Variants in NOS1AP observed in about 807,000 individuals in gnomAD.
The protein encoded by NOS1AP is nitric oxide synthase 1 adaptor protein, also known as carboxyl-terminal PDZ ligand of neuronal nitric oxide synthase protein.
NOS1AP carries 21 observed loss-of-function variants against 56.2 expected under a neutral mutation model. The ratio of observed to expected loss-of-function variants is 0.37; its 90% confidence interval spans 0.26 to 0.54. NOS1AP has a LOEUF of 0.54. Ranked by LOEUF, NOS1AP falls within the 20% of genes least tolerant of loss-of-function variation. The pLI, the probability that NOS1AP is intolerant of heterozygous loss-of-function variation, is 0.84. For synonymous variants in NOS1AP, 270 were observed against 274.6 expected, an observed-to-expected ratio of 0.98 and a Z score of 0.17; for missense variants, 522 against 657.8, an observed-to-expected ratio of 0.79 and a Z score of 2.26.
intron 2 of NOS1AP, among the ~76,000 whole-genome samples, chr1:162,270,298 C>G (rs1445607328): frequency 6.6e-6 from 1 of 152,054 alleles, no homozygotes; most frequent in Admixed American, 6.6e-5. Context: ...CAGATCAAGT[C>G]CTTAAAATTG....
Position 162,367,236 on chromosome 1 carries a change from C to T in NOS1AP, c.1290C>T (p.Cys430=), listed in dbSNP as rs1464543571. 1 of 1,613,928 alleles carries T rather than the reference C, an allele frequency of 6.2e-7. No individual in the cohort carries two copies. The highest frequency in any genetic ancestry group is 8.5e-7 in the Non-Finnish European group (1 of 1,179,982). Residue 430 remains cysteine (C), a synonymous_variant, in exon 10 of 10, where the codon TGC becomes TGT. Coordinates refer to ENST00000361897, the MANE Select transcript of NOS1AP (RefSeq NM_014697.3). The surrounding 1 kb of genome is among the most constrained non-coding windows in gnomAD (Gnocchi z 6.5). ...GRRDCLVKLE[C]FRFLPPEDTP... ...GCGACTGCTTGGTGAAGCTGGAGTG[C>T]TTTCGCTTTCTTCCGCCCGAGGACA...
intron 2 of NOS1AP, among the ~76,000 whole-genome samples, chr1:162,255,913 G>C (rs184266099): frequency 4.7e-4 from 71 of 152,332 alleles, no homozygotes; most frequent in African/African-American, 1.7e-3. Flanking sequence ...GGGAGGCTGA[G>C]GCAGCAGATC....
At chr1:162,311,317 A>G (rs1401852962) in intron 4 of NOS1AP, among the ~76,000 whole-genome samples, 3 of 152,018 alleles carry the variant, frequency 2.0e-5, no homozygotes, top group Admixed American at 6.6e-5. Context: ...TTTGCTTTCA[A>G]CCCTACATAG....
At chr1:162,290,158 C>G (rs941587637) in intron 3 of NOS1AP, among the ~76,000 whole-genome samples, 2 of 152,142 alleles carry the variant, frequency 1.3e-5, no homozygotes, top group African/African-American at 4.8e-5. Flanking sequence ...GTGGCTTCAT[C>G]GTCCTGCTGG....
At chr1:162,191,592 CAGA>C (rs961720417) in intron 2 of NOS1AP, among the ~76,000 whole-genome samples, 1 of 152,102 alleles carries the variant, frequency 6.6e-6, no homozygotes, top group Non-Finnish European at 1.5e-5. Flanking sequence ...TTTGGGCTGG[CAGA>C]AGAAGATAAG....
Position 162,204,154 on chromosome 1 carries a change from A to G in NOS1AP, c.177+49678A>G, listed in dbSNP as rs757049591. Among the ~76,000 whole-genome samples the G allele has an allele frequency of 1.6e-4, 25 of 152,358 alleles. 1 individual carries two copies. The highest frequency in any genetic ancestry group is 1.0e-3 in the South Asian group (5 of 4,834). On this transcript the variant is annotated intron_variant, in intron 2 of 9. Transcript: ENST00000361897. ...CTGGGGACAATACAAACTCCTTTAC[A>G]TAGCCCAAAAGGGCACAAGCAAATG... is the stretch of plus-strand genomic sequence containing the variant.
At chr1:162,170,546 A>C (rs11805598) in intron 2 of NOS1AP, among the ~76,000 whole-genome samples, 2 of 152,044 alleles carry the variant, frequency 1.3e-5, no homozygotes, top group Admixed American at 6.5e-5. Flanking sequence ...GAGCAGGAAT[A>C]GGTTAGTTTA....
At chr1:162,170,017 C>G (rs148098917) in intron 2 of NOS1AP, among the ~76,000 whole-genome samples, 1 of 152,192 alleles carries the variant, frequency 6.6e-6, no homozygotes, top group Admixed American at 6.5e-5. Flanking sequence ...GAAATCTTCC[C>G]TGATTCCTCT....
intron 6 of NOS1AP, among the ~76,000 whole-genome samples, 185 bp downstream of exon 6, chr1:162,344,161 T>G (rs2101807441): frequency 6.6e-6 from 1 of 152,318 alleles, no homozygotes; most frequent in Non-Finnish European, 1.5e-5. Flanking sequence ...AAATTAAAGA[T>G]GTTTAAATTA....
chr1:162,335,395 T>C (rs367631424), intron 5 of NOS1AP, among the ~76,000 whole-genome samples: 4 of 152,352 alleles, frequency 2.6e-5, no homozygotes, highest in East Asian at 1.9e-4. Context: ...CGGCAAAGGA[T>C]GCAGAACTGG....
intron 1 of NOS1AP, among the ~76,000 whole-genome samples, chr1:162,137,446 C>T (rs1485148669): frequency 1.3e-5 from 2 of 152,130 alleles, no homozygotes; most frequent in African/African-American, 4.8e-5. Context: ...GTACCCATCA[C>T]CATGGTTTCT....
chr1:162,355,236 G>T lies in NOS1AP; in HGVS notation c.645G>T (p.Glu215Asp). ...AERASTATAE[E>D]TDIDAVEVPL... Reference sequence around the variant, plus strand: ...GGGCCTCCACGGCCACTGCAGAGGAGACTGACATCGATGCGGTGGAGGTCC... The same window carrying T: ...GGGCCTCCACGGCCACTGCAGAGGATACTGACATCGATGCGGTGGAGGTCC... The change falls in exon 7 of 10, where the codon GAG (glutamate) becomes GAT (aspartate). Residue 215 changes from glutamate to aspartate, a missense_variant. Transcript: ENST00000361897. The T allele has an allele frequency of 6.2e-7, 1 of 1,614,188 alleles. No homozygotes were observed. Among genetic ancestry groups the T allele is most frequent in the African/African-American group, 1.3e-5 (1 of 75,044 alleles).
At chr1:162,183,648 A>C (rs1651334364) in intron 2 of NOS1AP, among the ~76,000 whole-genome samples, 1 of 152,210 alleles carries the variant, frequency 6.6e-6, no homozygotes, top group Non-Finnish European at 1.5e-5. Flanking sequence ...TTCACCTTCC[A>C]TTTTTATGTT....
At chr1:162,181,376 G>A (rs1651250563) in intron 2 of NOS1AP, among the ~76,000 whole-genome samples, 1 of 152,196 alleles carries the variant, frequency 6.6e-6, no homozygotes, top group African/African-American at 2.4e-5. Flanking sequence ...ATTATGTAGT[G>A]ATGTTGGAAA....
At chr1:162,340,060 A>G (rs537937972) in intron 5 of NOS1AP, among the ~76,000 whole-genome samples, 2 of 152,352 alleles carry the variant, frequency 1.3e-5, no homozygotes, top group African/African-American at 4.8e-5. Flanking sequence ...TAGGAAGGGC[A>G]ATTCTTTTAT....
chr1:162,247,231 CCT>C (rs1488700115), intron 2 of NOS1AP, among the ~76,000 whole-genome samples: 3 of 152,190 alleles, frequency 2.0e-5, no homozygotes, highest in Non-Finnish European at 4.4e-5. Context: ...TCTCCCCTTG[CCT>C]CTTTCTCTCG....
chr1:162,120,303 A>C (rs1648155717), intron 1 of NOS1AP, among the ~76,000 whole-genome samples: 1 of 152,216 alleles, frequency 6.6e-6, no homozygotes, highest in Non-Finnish European at 1.5e-5. Context: ...AGACAGCTTA[A>C]GTGCTCACAA....
chr1:162,310,663 C>T (rs779763044), intron 4 of NOS1AP, among the ~76,000 whole-genome samples: 7 of 152,174 alleles, frequency 4.6e-5, no homozygotes, highest in Middle Eastern at 3.2e-3. Context: ...AAGGAAATAC[C>T]ATTCATGCTG....
intron 2 of NOS1AP, among the ~76,000 whole-genome samples, chr1:162,269,969 A>G (rs1188501052): frequency 6.6e-6 from 1 of 152,222 alleles, no homozygotes; most frequent in Non-Finnish European, 1.5e-5. Context: ...TGATAAAATT[A>G]CATGGGCCCA....
Sources: allele counts gnomAD v4.1 joint callset (sites outside exome capture counted in the v4.1 genomes callset), GRCh38; gene constraint gnomAD v4.1.1; non-coding constraint Gnocchi (gnomAD v3.1); transcripts MANE v1.5; gene names NCBI Gene and HGNC (gene_info 2026-07-23, HGNC 2026-07-21).